The following CLIP2 variants were observed in gnomAD, a reference collection of about 807,000 sequenced individuals.
The protein encoded by CLIP2 is CAP-Gly domain-containing linker protein 2.
Under a neutral mutation model 111.7 loss-of-function variants are expected in CLIP2, and 41 were observed. The ratio of observed to expected loss-of-function variants is 0.37; its 90% CI spans 0.29 to 0.48. The LOEUF is 0.48. Among genes scored for constraint, CLIP2 ranks in the 20% least tolerant of loss-of-function variants. The pLI is 0.99. For missense variants in CLIP2, 1,160 were observed against 1,422.1 expected (o/e 0.82, Z 2.96); for synonymous variants, 660 against 644.2 (o/e 1.02, Z -0.37).
Position 74,400,574 on chromosome 7 carries a change from G to A in CLIP2, c.3066+19G>A, listed in dbSNP as rs1193613113. On this transcript the variant is annotated intron_variant, in intron 15 of 16. Coordinates refer to ENST00000223398, the MANE Select transcript of CLIP2 (RefSeq NM_003388.5). ...GGCCCAGGTGAGCCGCGGCTGACAG[G>A]GCCCACCAGGAGGCAAGCCACGGGG... The A allele has an allele frequency of 7.9e-6, 12 of 1,521,920 alleles. No homozygotes were observed. The highest frequency in any genetic ancestry group is 6.5e-5 in the Admixed American group (3 of 46,284). The allele number at this position is 1,521,920 out of a possible 1,614,324, so 94.3% of individuals were successfully genotyped here.
intron 11 of CLIP2, among the ~76,000 whole-genome samples, chr7:74,383,741 C>T (rs184291224): frequency 1.3e-5 from 2 of 152,102 alleles, no homozygotes; most frequent in East Asian, 1.9e-4. Flanking sequence ...TTGGGAGGCC[C>T]GGGCAGGAGA....
chr7:74,310,227 C>G (rs1431410436), intron 1 of CLIP2, among the ~76,000 whole-genome samples: 1 of 151,246 alleles, frequency 6.6e-6, no homozygotes, highest in African/African-American at 2.4e-5. Flanking sequence ...TGTCTCTGTT[C>G]TAAAATAAAA....
In CLIP2 at chr7:74,343,933, G is replaced by A. The variant is rs149981017; in HGVS notation, c.678+4929G>A. Reference sequence around the variant, plus strand: ...AAAAAGAGAGAGAGAGAGAACTGGTGGATGTGAGGATGAGTCATAGTCTGC... The same window carrying A: ...AAAAAGAGAGAGAGAGAGAACTGGTAGATGTGAGGATGAGTCATAGTCTGC... On this transcript the variant is annotated intron_variant, in intron 3 of 16. Transcript: ENST00000223398. Among the ~76,000 whole-genome samples, 623 of 152,116 alleles carry A rather than the reference G, an allele frequency of 4.1e-3. 2 individuals carry two copies. Among genetic ancestry groups the A allele is most frequent in the Non-Finnish European group, 6.3e-3 (429 of 67,974 alleles).
chr7:74,295,711 A>G (rs1010886591), intron 1 of CLIP2, among the ~76,000 whole-genome samples: 2 of 152,192 alleles, frequency 1.3e-5, no homozygotes, highest in Admixed American at 6.5e-5. Context: ...TTAAAAGTAA[A>G]TGAGAAAATT....
At chr7:74,354,786 A>G (rs1264191778) in intron 4 of CLIP2, among the ~76,000 whole-genome samples, 1 of 151,996 alleles carries the variant, frequency 6.6e-6, no homozygotes, top group East Asian at 1.9e-4. Context: ...ATAATAAAAA[A>G]TAAATAAATA....
intron 3 of CLIP2, among the ~76,000 whole-genome samples, chr7:74,339,985 T>A (rs1789611805): frequency 6.6e-6 from 1 of 152,030 alleles, no homozygotes; most frequent in Admixed American, 6.6e-5. Flanking sequence ...TCCCAGCTAC[T>A]CAGGAGGCTG....
chr7:74,339,581 C>T (rs1319539219), intron 3 of CLIP2, among the ~76,000 whole-genome samples: 2 of 152,128 alleles, frequency 1.3e-5, no homozygotes, highest in East Asian at 1.9e-4. Context: ...GCTTGGATTA[C>T]AGGTGTGAGC....
At chr7:74,384,235 C>T (rs1554314432) in intron 11 of CLIP2, among the ~76,000 whole-genome samples, 1 of 151,910 alleles carries the variant, frequency 6.6e-6, no homozygotes, top group Non-Finnish European at 1.5e-5. Context: ...GAACCTCATT[C>T]TTTTTTGTGG....
intron 1 of CLIP2, among the ~76,000 whole-genome samples, chr7:74,314,179 C>CAAAAAAA (rs35306275): frequency 8.1e-6 from 1 of 123,140 alleles, no homozygotes; most frequent in Non-Finnish European, 1.6e-5. Context: ...GACTCTGTCT[C>CAAAAAAA]AAAAAAAAAA....
At chr7:74,333,586 A>G (rs1554731675) in intron 2 of CLIP2, among the ~76,000 whole-genome samples, 2 of 152,100 alleles carry the variant, frequency 1.3e-5, no homozygotes, top group African/African-American at 4.8e-5. Flanking sequence ...GGCTCAAGCA[A>G]TCCTCCTGCC....
chr7:74,304,325 A>C (rs896016028), intron 1 of CLIP2, among the ~76,000 whole-genome samples: 1 of 151,834 alleles, frequency 6.6e-6, no homozygotes. Flanking sequence ...TCAGGAGTTC[A>C]AGACCAGCCT....
chr7:74,363,806 G>C (rs1790401414), intron 7 of CLIP2, among the ~76,000 whole-genome samples: 2 of 150,204 alleles, frequency 1.3e-5, no homozygotes, highest in African/African-American at 4.9e-5. Context: ...TGAGGCAGGA[G>C]AATTGCTTGA....
At chr7:74,390,743 C>CG (rs199752957) in intron 13 of CLIP2, among the ~76,000 whole-genome samples, 3 of 7,156 alleles carry the variant, frequency 4.2e-4, no homozygotes, top group South Asian at 5.3e-3. Flanking sequence ...TATTTTCTGG[C>CG]GGGGTGGGGG....
chr7:74,304,186 C>T (rs1788414797), intron 1 of CLIP2, among the ~76,000 whole-genome samples: 1 of 151,666 alleles, frequency 6.6e-6, no homozygotes, highest in Admixed American at 6.6e-5. Context: ...GCTAGGATTG[C>T]AGGCGTGAGC....
chr7:74,312,205 C>T (rs555795474), intron 1 of CLIP2, among the ~76,000 whole-genome samples: 2 of 152,164 alleles, frequency 1.3e-5, no homozygotes, highest in African/African-American at 2.4e-5. Context: ...GCTGAGATTG[C>T]ACCACCTGGG....
chr7:74,349,842 T>C (rs1789930731), intron 3 of CLIP2, among the ~76,000 whole-genome samples: 1 of 151,826 alleles, frequency 6.6e-6, no homozygotes, highest in Non-Finnish European at 1.5e-5. Flanking sequence ...CTTTAGCTCC[T>C]GACCTCAAGT....
At position 74,295,320 on chromosome 7, in the gene CLIP2, G is replaced by A. The variant is rs76466135; in HGVS notation, c.-68+5586G>A. 9.7e-3 allele frequency among the ~76,000 whole-genome samples: 1,482 copies of A among 152,154 alleles called. 12 individuals are homozygous for A. The highest frequency in any genetic ancestry group is 0.015 in the Non-Finnish European group (1,016 of 68,000). On this transcript the variant is annotated intron_variant, in intron 1 of 16. Coordinates refer to ENST00000223398, the MANE Select transcript of CLIP2 (RefSeq NM_003388.5). Reference sequence around the variant, plus strand: ...GCAGTTAAGGAGGGCATTCATGATGGGGGCAAAGGGAGAAAAGTTGAGAAG... The same window carrying A: ...GCAGTTAAGGAGGGCATTCATGATGAGGGCAAAGGGAGAAAAGTTGAGAAG...
At chr7:74,362,528 C>CTTTTTTTTTTTTTTTTTTTCT (rs3044338) in intron 7 of CLIP2, among the ~76,000 whole-genome samples, 2 of 121,978 alleles carry the variant, frequency 1.6e-5, no homozygotes, top group African/African-American at 3.1e-5. Flanking sequence ...TTTTTCTTTT[C>CTTTTTTTTTTTTTTTTTTTCT]TTTTTTTTTT....
chr7:74,370,134 T>C (rs1309364705), intron 8 of CLIP2, among the ~76,000 whole-genome samples: 17 of 37,464 alleles, frequency 4.5e-4, no homozygotes, highest in South Asian at 1.3e-3. Flanking sequence ...CCAGCCTGAG[T>C]AACAGAGCGA....
Sources: allele counts gnomAD v4.1 joint callset (sites outside exome capture counted in the v4.1 genomes callset), GRCh38; gene constraint gnomAD v4.1.1; transcripts MANE v1.5; gene names NCBI Gene and HGNC (gene_info 2026-07-23, HGNC 2026-07-21).